Variants in DMD observed in about 807,000 individuals in gnomAD.
DMD encodes dystrophin, also known as mutant dystrophin.
A neutral mutation model predicts 330.1 loss-of-function variants in DMD; 63 were observed. That is an observed-to-expected ratio of 0.19 (90% confidence interval 0.16 to 0.24). The LOEUF is 0.24. DMD is among the 10% of genes least tolerant of loss of function. The probability of loss-of-function intolerance (pLI) is 1.00; values close to 1 mark genes in which losing one functional copy is unlikely to be tolerated. For missense variants in DMD, 3,344 were observed against 2,684.1 expected, an observed-to-expected ratio of 1.25 and a Z score of -5.43; for synonymous variants, 1,223 against 959.8, an observed-to-expected ratio of 1.27 and a Z score of -5.07.
At chrX:32,983,952 T>C (rs2092777842) in intron 2 of DMD, among the ~76,000 whole-genome samples, 1 of 111,471 alleles carries the variant, frequency 9.0e-6, no homozygotes, top group Non-Finnish European at 1.9e-5. Flanking sequence ...TTTACTAAGT[T>C]ATTTGAATGG....
chrX:33,252,676 T>C (rs1236335220), intron 1 of DMD, among the ~76,000 whole-genome samples: 1 of 110,907 alleles, frequency 9.0e-6, no homozygotes, highest in Non-Finnish European at 1.9e-5. Flanking sequence ...TTGGTTTGCA[T>C]TTTGCTATTC....
At chrX:32,160,989 TAGTC>T (rs1350498945) in intron 44 of DMD, among the ~76,000 whole-genome samples, 3 of 111,702 alleles carry the variant, frequency 2.7e-5, no homozygotes, top group Non-Finnish European at 5.6e-5. Flanking sequence ...TTTTTAATAA[TAGTC>T]AGTGTCTTAT....
intron 1 of DMD, among the ~76,000 whole-genome samples, chrX:33,094,348 G>C: frequency 9.0e-6 from 1 of 111,478 alleles, no homozygotes; most frequent in Non-Finnish European, 1.9e-5. Flanking sequence ...CAAGGCAATA[G>C]TTTCAGCATG....
At chrX:32,821,505 G>A (rs1213061931) in intron 5 of DMD, among the ~76,000 whole-genome samples, 9 of 109,634 alleles carry the variant, frequency 8.2e-5, no homozygotes, top group Non-Finnish European at 1.3e-4. Context: ...GGAGAATGGC[G>A]TGAATCCGGG....
chrX:31,925,668 T>C (rs998698437), intron 47 of DMD, among the ~76,000 whole-genome samples: 1 of 110,415 alleles, frequency 9.1e-6, no homozygotes, highest in Non-Finnish European at 1.9e-5. Flanking sequence ...GGTCGGGAGT[T>C]TAAGACCAGC....
chrX:31,389,462 C>T (rs1179163252), intron 60 of DMD, among the ~76,000 whole-genome samples: 1 of 112,097 alleles, frequency 8.9e-6, no homozygotes, highest in African/African-American at 3.2e-5. Context: ...CAGCTGATAT[C>T]AGTCAATAAG....
At chrX:33,009,750 GTATATGTGTGTATATGTGTATATA>G in intron 2 of DMD, among the ~76,000 whole-genome samples, 1 of 49,429 alleles carries the variant, frequency 2.0e-5, no homozygotes, top group Non-Finnish European at 3.6e-5. Flanking sequence ...ACACATATGT[GTATATGTGTGTATATGTGTATATA>G]CACACATATG....
intron 44 of DMD, among the ~76,000 whole-genome samples, chrX:32,013,580 T>G (rs1882112622): frequency 8.9e-6 from 1 of 112,196 alleles, no homozygotes; most frequent in Admixed American, 9.5e-5. Flanking sequence ...TTGCTTATAG[T>G]TGGTAGGCAA....
At chrX:33,294,635 C>A (rs1241403086) in intron 1 of DMD, among the ~76,000 whole-genome samples, 8 of 108,326 alleles carry the variant, frequency 7.4e-5, no homozygotes, top group African/African-American at 2.7e-4. Flanking sequence ...AAAATGTTTA[C>A]TACCGAAAAA....
At chrX:32,878,326 C>A (rs1013569221) in intron 2 of DMD, among the ~76,000 whole-genome samples, 7 of 111,132 alleles carry the variant, frequency 6.3e-5, no homozygotes, top group East Asian at 2.9e-4. Flanking sequence ...TGCAGTGAGC[C>A]GAGATTGCTC....
At chrX:32,687,364 T>C (rs1427839161) in intron 9 of DMD, among the ~76,000 whole-genome samples, 1 of 112,183 alleles carries the variant, frequency 8.9e-6, no homozygotes, top group African/African-American at 3.2e-5. Context: ...TCATCTTACA[T>C]GTTATTCTTC....
chrX:31,527,722 G>A (rs1390354132), intron 55 of DMD, among the ~76,000 whole-genome samples: 7 of 111,338 alleles, frequency 6.3e-5, no homozygotes, highest in East Asian at 5.6e-4. Flanking sequence ...AAGTGGTAGC[G>A]TCTAGATTTC....
chrX:32,333,422 C>T (rs1425048028), intron 41 of DMD, among the ~76,000 whole-genome samples: 1 of 111,086 alleles, frequency 9.0e-6, no homozygotes, highest in Non-Finnish European at 1.9e-5. Flanking sequence ...ATTATTCTAC[C>T]GTCTTCTGGC....
intron 60 of DMD, among the ~76,000 whole-genome samples, chrX:31,394,908 A>C (rs908995298): frequency 4.4e-5 from 4 of 91,086 alleles, no homozygotes; most frequent in Non-Finnish European, 8.4e-5. Flanking sequence ...TTGCAGCTTT[A>C]GTTTCATTAC....
At chrX:31,932,296 A>G (rs951580405) in intron 45 of DMD, 69 bp from the exon 46 acceptor site, 1 of 830,763 alleles carries the variant, frequency 1.2e-6, no homozygotes, top group Admixed American at 2.5e-5. Flanking sequence ...GTTAATGCAA[A>G]CTGGGACACA....
chrX:32,779,511 A>C (rs1285536337), intron 7 of DMD, among the ~76,000 whole-genome samples: 1 of 109,948 alleles, frequency 9.1e-6, no homozygotes, highest in Non-Finnish European at 1.9e-5. Context: ...AATTATTTTT[A>C]GATTTTACAG....
chrX:31,259,071 G>A lies in DMD; in HGVS notation c.9286+1884C>T, dbSNP rs750391249. 2.2e-4 allele frequency among the ~76,000 whole-genome samples: 25 copies of A among 111,492 alleles called. No homozygotes were observed. In the East Asian group the frequency reaches 6.4e-3, roughly 28 times the overall value. On this transcript the variant is annotated intron_variant, in intron 63 of 78. Coordinates refer to ENST00000357033, the MANE Select transcript of DMD (RefSeq NM_004006.3). Reference sequence around the variant, plus strand: ...AGCTAACTCTAAGAAGTGGGGTTACGAATGATTTGTCTCTTCTTTATTGTT... The same window carrying A: ...AGCTAACTCTAAGAAGTGGGGTTACAAATGATTTGTCTCTTCTTTATTGTT...
chrX:32,130,466 T>C (rs1317097), intron 44 of DMD, among the ~76,000 whole-genome samples: 29,059 of 110,721 alleles, frequency 0.26, 3,392 homozygotes, highest in East Asian at 0.53. Context: ...AAACATAATT[T>C]AACTATAGAT....
chrX:32,376,080 G>A lies in DMD; in HGVS notation c.4845+4430C>T, dbSNP rs888092181. On this transcript the variant is annotated intron_variant, in intron 34 of 78. Coordinates refer to ENST00000357033, the MANE Select transcript of DMD (RefSeq NM_004006.3). ...GGATGACCTGAGGTCAGGAGTTCGA[G>A]ACCAGCCTGACCATCATGGTGAAAC... is the stretch of plus-strand genomic sequence containing the variant. Among the ~76,000 whole-genome samples, 8 of 110,999 alleles carry A rather than the reference G, an allele frequency of 7.2e-5. No homozygotes were observed. In the East Asian group the frequency reaches 2.3e-3, roughly 32 times the overall value.
Sources: gnomAD v4.1 joint callset for allele counts (sites outside exome capture counted in the v4.1 genomes callset) on GRCh38, gnomAD v4.1.1 for gene constraint, MANE v1.5 for transcripts, NCBI Gene and HGNC (gene_info 2026-07-23, HGNC 2026-07-21) for gene names.